DNAH5: variants seen among roughly 807,000 people sequenced by gnomAD.
DNAH5 encodes the protein dynein axonemal heavy chain 5.
DNAH5 carries 372 observed loss-of-function variants against 518.2 expected under a neutral mutation model. That is an observed-to-expected ratio of 0.72 (90% CI 0.66 to 0.78). DNAH5 has a LOEUF of 0.78. DNAH5 is among the 30% of genes least tolerant of loss of function. DNAH5 has a pLI of 0.00. For missense variants in DNAH5, 5,523 were observed against 5,687.0 expected, an observed-to-expected ratio of 0.97 and a Z score of 0.93; for synonymous variants, 2,039 against 2,025.9, an observed-to-expected ratio of 1.01 and a Z score of -0.17.
At chr5:13,749,593 G>C (rs1429852757) in intron 65 of DNAH5, among the ~76,000 whole-genome samples, 1 of 152,124 alleles carries the variant, frequency 6.6e-6, no homozygotes, top group Admixed American at 6.6e-5. Context: ...TTGTTCCAAG[G>C]AGACTGTATT....
intron 15 of DNAH5, among the ~76,000 whole-genome samples, chr5:13,897,236 A>T (rs538007891): frequency 6.6e-6 from 1 of 152,206 alleles, no homozygotes; most frequent in African/African-American, 2.4e-5. Context: ...AAAAGTCTAA[A>T]TTTTCTGGTT....
chr5:13,988,884 G>A (rs1443316483), intron 1 of DNAH5, among the ~76,000 whole-genome samples: 1 of 151,482 alleles, frequency 6.6e-6, no homozygotes, highest in Non-Finnish European at 1.5e-5. Context: ...CTGCCACTAT[G>A]CCCAGCTAAT....
In DNAH5 at chr5:13,870,998, G is replaced by A. The variant is rs1429667096; in HGVS notation, c.3603C>T (p.Asp1201=). 1.2e-6 allele frequency: 2 copies of A among 1,612,818 alleles called. No homozygotes were observed. The change falls in exon 24 of 79, where the codon GAC becomes GAT. Residue 1201 remains aspartate (D), a synonymous_variant. Transcript: ENST00000265104. ...TCTCAGCAGTCAGGGCGAACTTCAA[G>A]TCAGCTGTAAAAACCCAAATGTCTA... ...CVGSIALYTA[D]LKFALTAETK...
chr5:13,829,529 T>C lies in DNAH5; in HGVS notation c.6425A>G (p.Glu2142Gly). The C allele has an allele frequency of 6.2e-7, 1 of 1,614,144 alleles. No homozygotes were observed. The change falls in exon 38 of 79, where the codon GAG becomes GGG. Residue 2142 changes from glutamate (E) to glycine (G), a missense_variant. Physicochemically the swap from Glu to Gly is moderately conservative, Grantham distance 98 (BLOSUM62 -2). Transcript: ENST00000265104. ...ACACACCTGCTTAGAAAGCTGCTCC[T>C]CACACAGTTTGTAGAGCGTGAAAAA... ...RKFFTLYKLC[E>G]EQLSKQVHYD...
intron 65 of DNAH5, 90 bp downstream of exon 65, chr5:13,750,988 A>G: frequency 7.3e-7 from 1 of 1,373,212 alleles, no homozygotes; most frequent in Non-Finnish European, 1.0e-6. Context: ...AGAGAAACTC[A>G]GTCCTATTAC....
intron 1 of DNAH5, among the ~76,000 whole-genome samples, chr5:13,968,307 T>G (rs916703910): frequency 1.2e-4 from 19 of 152,202 alleles, no homozygotes; most frequent in African/African-American, 4.1e-4. Context: ...CCTTTCTTTC[T>G]TTCTCTTGTC....
chr5:13,842,484 A>G (rs570004011), intron 32 of DNAH5, among the ~76,000 whole-genome samples: 3 of 51,564 alleles, frequency 5.8e-5, no homozygotes, highest in Admixed American at 1.8e-4. Context: ...AGAAAGAAAG[A>G]GAAAGAAAAG....
At chr5:13,739,380 C>T (rs1331413528) in intron 65 of DNAH5, among the ~76,000 whole-genome samples, 1 of 152,166 alleles carries the variant, frequency 6.6e-6, no homozygotes, top group Non-Finnish European at 1.5e-5. Flanking sequence ...TGCTTGTACT[C>T]ACTCTGTCTT....
chr5:13,738,467 A>C (rs1476491990), intron 65 of DNAH5, among the ~76,000 whole-genome samples: 2 of 152,218 alleles, frequency 1.3e-5, no homozygotes, highest in African/African-American at 4.8e-5. Flanking sequence ...GAGCACGTTT[A>C]AATTGAAAAG....
intron 7 of DNAH5, among the ~76,000 whole-genome samples, chr5:13,918,819 T>A (rs1435282436): frequency 6.6e-6 from 1 of 152,324 alleles, no homozygotes; most frequent in East Asian, 1.9e-4. Context: ...AATATAAAAC[T>A]AATATACAAG....
intron 47 of DNAH5, among the ~76,000 whole-genome samples, chr5:13,794,860 G>A (rs545161435): frequency 1.3e-5 from 2 of 152,230 alleles, no homozygotes; most frequent in South Asian, 2.1e-4. Flanking sequence ...CCAGCTATTC[G>A]GGAGGCTGAG....
intron 4 of DNAH5, among the ~76,000 whole-genome samples, chr5:13,922,742 A>C (rs1430541787): frequency 6.6e-6 from 1 of 151,972 alleles, no homozygotes; most frequent in Non-Finnish European, 1.5e-5. Context: ...AAAAAAAAAA[A>C]AAAAAATCAG....
At chr5:13,810,407 A>C in intron 44 of DNAH5, 147 bp from the exon 45 acceptor site, 3 of 758,622 alleles carry the variant, frequency 4.0e-6, no homozygotes, top group Non-Finnish European at 6.8e-6. Context: ...TGGAGAACAA[A>C]TGAAGAACTG....
chr5:13,901,783 C>A (rs1003834842), intron 13 of DNAH5, among the ~76,000 whole-genome samples: 2 of 152,008 alleles, frequency 1.3e-5, no homozygotes, highest in Non-Finnish European at 2.9e-5. Context: ...AGACATTTTT[C>A]AAATTATCTA....
At position 13,754,205 on chromosome 5, in the gene DNAH5, A is replaced by G; in HGVS notation, c.10553T>C (p.Val3518Ala). 3 of 1,614,068 alleles carry G rather than the reference A, an allele frequency of 1.9e-6. No homozygotes were observed. Among genetic ancestry groups the G allele is most frequent in the Non-Finnish European group, 2.5e-6 (3 of 1,179,962 alleles). The change falls in exon 62 of 79, where the codon GTA becomes GCA. Residue 3518 changes from valine (V) to alanine (A), a missense_variant and splice_region_variant. Physicochemically the swap from Val to Ala is moderately conservative, Grantham distance 64 (BLOSUM62 0). Around this residue, in one of 3 missense-constraint regions of DNAH5, gnomAD observed 5,121 missense variants for 5,223.3 expected, o/e 0.98. Transcript: ENST00000265104. Reference protein sequence around the residue: ...QEFAAQTKRLVGDVLLATAFL... With the variant: ...QEFAAQTKRLAGDVLLATAFL... ...CATTAATAAAGAAATTTACATACCT[A>G]CAAGTCTTTTAGTTTGTGCAGCAAA...
rs1206121954 is a variant in DNAH5 at position 13,721,230 on chromosome 5, C to T, written c.12049G>A (p.Val4017Met). 9.3e-6 allele frequency: 15 copies of T among 1,613,974 alleles called. No individual in the cohort carries two copies. The highest frequency in any genetic ancestry group is 2.2e-5 in the South Asian group (2 of 91,084). The change falls in exon 71 of 79, where the codon GTG becomes ATG. Residue 4017 changes from valine (V) to methionine (M), a missense_variant. Around this residue, in one of 3 missense-constraint regions of DNAH5, gnomAD observed 5,121 missense variants for 5,223.3 expected, o/e 0.98. Transcript: ENST00000265104. ...GCATATTTTTCTCCCATGGAGTCCA[C>T]GATGTACTTGCGGGCCTGCCAAAAA... Reference protein sequence around the residue: ...RTIAQARKYIVDSMGEKYAEG... With the variant: ...RTIAQARKYIMDSMGEKYAEG...
At chr5:13,846,913 AACT>A (rs151082196) in intron 31 of DNAH5, among the ~76,000 whole-genome samples, 3,379 of 152,276 alleles carry the variant, frequency 0.022, 123 homozygotes, top group African/African-American at 0.077. Context: ...CTCAGTTTAA[AACT>A]ACTAATTCTG....
intron 35 of DNAH5, among the ~76,000 whole-genome samples, chr5:13,834,961 G>C (rs1040482319): frequency 2.0e-5 from 3 of 152,224 alleles, no homozygotes; most frequent in African/African-American, 7.2e-5. Flanking sequence ...CAACGACAGA[G>C]GCAGGGAAGC....
At chr5:13,750,092 G>C (rs1385027128) in intron 65 of DNAH5, among the ~76,000 whole-genome samples, 1 of 152,112 alleles carries the variant, frequency 6.6e-6, no homozygotes, top group Non-Finnish European at 1.5e-5. Flanking sequence ...GGAGGAAGTG[G>C]AGGAGAAAGA....
Sources: gnomAD v4.1 joint callset for allele counts (sites outside exome capture counted in the v4.1 genomes callset) on GRCh38, gnomAD v4.1.1 for gene constraint, gnomAD v4.1.1 regional missense constraint, MANE v1.5 for transcripts, NCBI Gene and HGNC (gene_info 2026-07-23, HGNC 2026-07-21) for gene names.